The following WDR90 variants were observed in gnomAD, a reference collection of about 807,000 sequenced individuals.
WDR90 encodes the protein WD repeat domain 90, also known as WD repeat-containing protein 90.
WDR90 carries 238 observed loss-of-function variants against 195.2 expected under a neutral mutation model. That is an observed-to-expected ratio of 1.22 (90% confidence interval 1.10 to 1.36). The LOEUF (loss-of-function observed/expected upper bound fraction) is 1.36. Among genes scored for constraint, WDR90 ranks in the 40% most tolerant of loss-of-function variants. The pLI is 0.00. For synonymous variants in WDR90, 1,265 were observed against 1,052.4 expected (o/e 1.20, Z -3.91); for missense variants, 2,734 against 2,439.5 (o/e 1.12, Z -2.54).
chr16:657,892 G>A lies in WDR90; in HGVS notation c.2604G>A (p.Glu868=), dbSNP rs1447079349. 1 of 1,571,212 alleles carries A rather than the reference G, an allele frequency of 6.4e-7. No individual in the cohort carries two copies. The highest frequency in any genetic ancestry group is 1.4e-5 in the African/African-American group (1 of 73,986). The change falls in exon 21 of 41, where the codon GAG becomes GAA. Residue 868 remains glutamate (E), a splice_region_variant and synonymous_variant. Transcript: ENST00000293879. ...TCATGGGCTCGGCCTCCCTTGATGA[G>A]GTGAGTCCGCAGCCCTCCTGGGTCC... ...VTVMGSASLD[E]LLRVDIGTLD...
At position 652,492 on chromosome 16, in the gene WDR90, G is replaced by C; in HGVS notation, c.1079G>C (p.Arg360Thr). Residue 360 changes from arginine (R) to threonine (T), a missense_variant, in exon 10 of 41, where the codon AGG becomes ACG. Arg to Thr is a moderately conservative substitution (Grantham distance 71). Coordinates refer to ENST00000293879, the MANE Select transcript of WDR90 (RefSeq NM_145294.5). ...GGCTTCCTCCCAGACCCAGTCCTGA[G>C]GCTCAAGGGCGTCATCGGCTTTGGG... is the stretch of plus-strand genomic sequence containing the variant. Reference protein sequence around the residue: ...CEGFLPDPVLRLKGVIGFGGH... With the variant: ...CEGFLPDPVLTLKGVIGFGGH... 1 of 1,610,610 alleles carries C rather than the reference G, an allele frequency of 6.2e-7. No homozygotes were observed. The highest frequency in any genetic ancestry group is 8.5e-7 in the Non-Finnish European group (1 of 1,178,186).
At chr16:658,769 AC>A (rs781525238) in intron 23 of WDR90, 116 bp downstream of exon 23, 26 of 1,548,936 alleles carry the variant, frequency 1.7e-5, no homozygotes, top group Non-Finnish European at 2.1e-5. Context: ...GGTGAGAGTG[AC>A]CCCCCAAGGA....
intron 13 of WDR90, 149 bp from the exon 14 acceptor site, chr16:654,880 G>A (rs2037715438): frequency 7.4e-6 from 5 of 673,158 alleles, no homozygotes; most frequent in Admixed American, 5.6e-5. Context: ...GGAGGGGCTG[G>A]TTTCCTTCCA....
chr16:656,160 G>T, intron 17 of WDR90, 142 bp from the exon 18 acceptor site: 1 of 851,832 alleles, frequency 1.2e-6, no homozygotes. Flanking sequence ...TGGCCTCGAG[G>T]GAGCTGCATC....
Position 651,087 on chromosome 16 carries a change from C to G in WDR90, c.652C>G (p.Arg218Gly). The G allele has an allele frequency of 1.2e-6, 2 of 1,613,364 alleles. No homozygotes were observed. The highest frequency in any genetic ancestry group is 8.5e-7 in the Non-Finnish European group (1 of 1,179,880). ...PVPKGESWHD[R>G]YIHVRFPSES... ...GCCCAAGGGAGAGAGCTGGCATGAC[C>G]GCTACATCCACGTCCGGTGAGTGGT... The change falls in exon 6 of 41, where the codon CGC (arginine) becomes GGC (glycine). Residue 218 changes from arginine to glycine, a missense_variant. Arg to Gly is a moderately radical substitution (Grantham distance 125). Transcript: ENST00000293879.
chr16:649,184 T>C, upstream of WDR90: 1 of 422,860 alleles, frequency 2.4e-6, no homozygotes. Flanking sequence ...GGGGGCTGCC[T>C]TGGGAGGCCC....
Position 665,783 on chromosome 16 carries a change from G to C in WDR90, c.4416G>C (p.Gln1472His). The change falls in exon 35 of 41, where the codon CAG (glutamine) becomes CAC (histidine). Residue 1472 changes from glutamine (Q) to histidine (H), a missense_variant. Physicochemically the swap from Gln to His is conservative, Grantham distance 24 (BLOSUM62 0). Coordinates refer to ENST00000293879, the MANE Select transcript of WDR90 (RefSeq NM_145294.5). ...WALASMELVI[Q>H]FQVLNQSCLC... Reference sequence around the variant, plus strand: ...TGGCCAGCATGGAGCTTGTGATCCAGTTCCAGGTGCTGAACCAGGTGTGTG... The same window carrying C: ...TGGCCAGCATGGAGCTTGTGATCCACTTCCAGGTGCTGAACCAGGTGTGTG... 6.3e-7 allele frequency: 1 copy of C among 1,595,134 alleles called. No homozygotes were observed. Among genetic ancestry groups the C allele is most frequent in the South Asian group, 1.1e-5 (1 of 89,552 alleles).
chr16:666,365 A>G lies in WDR90; in HGVS notation c.4740+15A>G. On this transcript the variant is annotated intron_variant, in intron 37 of 40. Coordinates refer to ENST00000293879, the MANE Select transcript of WDR90 (RefSeq NM_145294.5). ...CGTGCAAAGAGGTAAAGCAGCCCCA[A>G]GAGCTGGGGAGAGGGGGCCTGGGTG... 6.2e-7 allele frequency: 1 copy of G among 1,612,232 alleles called. No individual in the cohort carries two copies. The highest frequency in any genetic ancestry group is 8.5e-7 in the Non-Finnish European group (1 of 1,179,676).
Position 661,448 on chromosome 16 carries a change from C to G in WDR90, c.3620C>G (p.Thr1207Ser), listed in dbSNP as rs1245319275. The change falls in exon 30 of 41, where the codon ACC becomes AGC. Residue 1207 changes from threonine (T) to serine (S), a missense_variant. Coordinates refer to ENST00000293879, the MANE Select transcript of WDR90 (RefSeq NM_145294.5). ...CAGCATCTCATTTTCCCCCATAGCA[C>G]CACCGTGCTGGCCCTGGCCTTCTCA... ...LCQHLIFPHS[T>S]TVLALAFSPD... 2 of 1,612,398 alleles carry G rather than the reference C, an allele frequency of 1.2e-6. No individual in the cohort carries two copies. The highest frequency in any genetic ancestry group is 1.1e-5 in the South Asian group (1 of 91,018).
rs751919029 is a variant in WDR90 at position 660,607 on chromosome 16, C to G, written c.3289-5C>G. On this transcript the variant is annotated splice_region_variant and splice_polypyrimidine_tract_variant and intron_variant, in intron 27 of 40. Transcript: ENST00000293879. ...CCAGCAGCATCCGGGTCTCCTTCCT[C>G]GCAGGGCACTTGCCCGCCTCCCGCC... 1.3e-6 allele frequency: 2 copies of G among 1,560,928 alleles called. No homozygotes were observed. The highest frequency in any genetic ancestry group is 8.7e-7 in the Non-Finnish European group (1 of 1,153,170).
At chr16:659,579 A>T (rs574454404) in intron 26 of WDR90, among the ~76,000 whole-genome samples, 1 of 150,498 alleles carries the variant, frequency 6.6e-6, no homozygotes, top group Non-Finnish European at 1.5e-5. Flanking sequence ...TGGGGTCGGG[A>T]TGGGGGCAGC....
rs376910949 is a variant in WDR90, at chr16:656,404, G to A, written c.2069G>A (p.Arg690Gln). 9.1e-5 allele frequency: 147 copies of A among 1,607,782 alleles called. No homozygotes were observed. The Middle Eastern group carries it at 1.7e-3, about 19-fold the overall frequency. ...CTGGGCTTCCTGGACACGCTGTCCCGGGTGTACCACATGCTGGCTCGCTCC... is the reference window on the plus strand; with the variant it reads ...CTGGGCTTCCTGGACACGCTGTCCCAGGTGTACCACATGCTGGCTCGCTCC... ...GHLGFLDTLS[R>Q]VYHMLARSHT... Residue 690 changes from arginine to glutamine, a missense_variant, in exon 18 of 41, where the codon CGG becomes CAG. By Grantham distance (43) the Arg-to-Gln change is conservative (BLOSUM62 1). Transcript: ENST00000293879.
chr16:658,312 C>T lies in WDR90; in HGVS notation c.2734C>T (p.Leu912=). 6.2e-7 allele frequency: 1 copy of T among 1,612,578 alleles called. No homozygotes were observed. Among genetic ancestry groups the T allele is most frequent in the Non-Finnish European group, 8.5e-7 (1 of 1,179,872 alleles). ...CACCTCGTCCAACAGAGTCGTGGTG[C>T]TGGATGCTGTGTCGGGCCGCATCAT... The part of the protein sequence containing the change: ...VSTSSNRVVV[L]DAVSGRIIRE... The change falls in exon 22 of 41, where the codon CTG becomes TTG. Residue 912 remains leucine, a synonymous_variant. Coordinates refer to ENST00000293879, the MANE Select transcript of WDR90 (RefSeq NM_145294.5).
chr16:654,021 C>T (rs112954844), intron 13 of WDR90: 19 of 614,652 alleles, frequency 3.1e-5, no homozygotes, highest in African/African-American at 1.7e-4. Flanking sequence ...CTCGGCTTTT[C>T]GGCCATCGGA....
chr16:653,260 TG>T, intron 10 of WDR90, 80 bp from the exon 11 acceptor site: 1 of 1,175,278 alleles, frequency 8.5e-7, no homozygotes, highest in Non-Finnish European at 1.2e-6. Flanking sequence ...TGGGCTGGAG[TG>T]GGAGGTGAGG....
rs1281170736 is a variant in WDR90, at chr16:653,404, C to T, written c.1186C>T (p.Leu396Phe). ...CTGCCATGCGGTCATCGTCGTCCTG[C>T]TCGTGGACACGGGGGAGCAGCGCTT... ...YPCHAVIVVL[L>F]VDTGEQRFFL... The change falls in exon 11 of 41, where the codon CTC becomes TTC. Residue 396 changes from leucine to phenylalanine, a missense_variant. Coordinates refer to ENST00000293879, the MANE Select transcript of WDR90 (RefSeq NM_145294.5). The T allele has an allele frequency of 5.0e-6, 8 of 1,609,940 alleles. No homozygotes were observed. Among genetic ancestry groups the T allele is most frequent in the Middle Eastern group, 1.7e-4 (1 of 6,028 alleles).
Position 665,685 on chromosome 16 carries a change from G to C in WDR90, c.4318G>C (p.Glu1440Gln), listed in dbSNP as rs150784706. The stretch of plus-strand genomic sequence containing the variant: ...TAGCTACGGCTTCCCCCAGGTGAAC[G>C]AGGTGGTCTTCAGCCCCGGGGAGTC... ...LISGHRSKVNEVVFSPGESHC... is the reference protein window; with the variant it reads ...LISGHRSKVNQVVFSPGESHC... The change falls in exon 35 of 41, where the codon GAG becomes CAG. Residue 1440 changes from glutamate to glutamine, a missense_variant. By Grantham distance (29) the Glu-to-Gln change is conservative. Transcript: ENST00000293879. 1.9e-6 allele frequency: 3 copies of C among 1,612,562 alleles called. No homozygotes were observed. The highest frequency in any genetic ancestry group is 1.1e-5 in the South Asian group (1 of 91,092).
Position 658,533 on chromosome 16 carries a change from T to C in WDR90, c.2775T>C (p.Gly925=). 6.2e-7 allele frequency: 1 copy of C among 1,610,874 alleles called. No individual in the cohort carries two copies. Residue 925 remains glycine (G), a synonymous_variant, in exon 23 of 41, where the codon GGT becomes GGC. Transcript: ENST00000293879. ...VSGRIIRELP[G]VHPEPCPSLT... ...AGAGCACTGTGTTCCAGCTGCCCGG[T>C]GTCCACCCTGAGCCCTGCCCCTCCT...
Position 649,392 on chromosome 16 carries a change from G to C in WDR90, c.-25G>C. 1 of 1,324,868 alleles carries C rather than the reference G, an allele frequency of 7.5e-7. No homozygotes were observed. The highest frequency in any genetic ancestry group is 9.6e-7 in the Non-Finnish European group (1 of 1,040,004). The allele number at this position is 1,324,868 out of a possible 1,614,324, so 82.1% of individuals were successfully genotyped here. On this transcript the variant is annotated 5_prime_UTR_variant, in exon 1 of 41. Transcript: ENST00000293879. ...TCTGCGCTGGGCGCGCGGAGGCCTA[G>C]GCGGGAAGCTCGAGCGGCGGCGCCA...
Sources: allele counts gnomAD v4.1 joint callset (sites outside exome capture counted in the v4.1 genomes callset), GRCh38; gene constraint gnomAD v4.1.1; transcripts MANE v1.5; gene names NCBI Gene and HGNC (gene_info 2026-07-23, HGNC 2026-07-21).